Variants in TOMM40L observed in about 807,000 individuals in gnomAD.
TOMM40L encodes translocase of outer mitochondrial membrane 40 like, also known as mitochondrial import receptor subunit TOM40B.
A neutral mutation model predicts 38.3 loss-of-function variants in TOMM40L; 17 were observed. The observed-to-expected ratio is 0.44, with a 90% CI of 0.30 to 0.67. The LOEUF (loss-of-function observed/expected upper bound fraction) is 0.67, where lower values mean the gene tolerates loss of function less well. Ranked by LOEUF, TOMM40L falls within the 30% of genes least tolerant of loss-of-function variation. TOMM40L has a pLI of 0.08. For synonymous variants in TOMM40L, 151 were observed against 150.2 expected (o/e 1.01, Z -0.04); for missense variants, 294 against 390.0 (o/e 0.75, Z 2.07).
intron 5 of TOMM40L, 29 bp downstream of exon 5, chr1:161,227,766 G>C (rs1308951274): frequency 6.2e-7 from 1 of 1,610,452 alleles, no homozygotes; most frequent in Admixed American, 1.7e-5. Context: ...TCCATCCCCT[G>C]AGGCACTTCC....
At position 161,226,466 on chromosome 1, in the gene TOMM40L, C is replaced by T. The variant is rs1373947744; in HGVS notation, c.-24C>T. 5 of 1,602,660 alleles carry T rather than the reference C, an allele frequency of 3.1e-6. No individual in the cohort carries two copies. Among genetic ancestry groups the T allele is most frequent in the African/African-American group, 1.3e-5 (1 of 74,476 alleles). On this transcript the variant is annotated 5_prime_UTR_variant, in exon 2 of 10. Coordinates refer to ENST00000367988, the MANE Select transcript of TOMM40L (RefSeq NM_032174.6). ...GCGTCCTTTCACAGGCTAACCTCGG[C>T]TCTTCCCAGTCCTCTGGACTAAAAT... is the stretch of plus-strand genomic sequence containing the variant.
At position 161,229,086 on chromosome 1, in the gene TOMM40L, T is replaced by A. The variant is rs776584475; in HGVS notation, c.918T>A (p.Thr306=). The part of the protein sequence containing the change: ...RNRFHCGFSI[T]VG ...GATTCCATTGTGGCTTCAGCATCAC[T>A]GTGGGCTGAGGTTGTCCAGAGCCAG... The change falls in exon 10 of 10, where the codon ACT becomes ACA. Residue 306 remains threonine, a synonymous_variant. Transcript: ENST00000367988. 1 of 1,614,174 alleles carries A rather than the reference T, an allele frequency of 6.2e-7. No homozygotes were observed. Among genetic ancestry groups the A allele is most frequent in the Non-Finnish European group, 8.5e-7 (1 of 1,180,018 alleles).
In TOMM40L at chr1:161,227,261, G is replaced by T; in HGVS notation, c.187G>T (p.Ala63Ser). The T allele has an allele frequency of 6.2e-7, 1 of 1,614,142 alleles. No individual in the cohort carries two copies. The change falls in exon 4 of 10, where the codon GCG (alanine) becomes TCG (serine). Residue 63 changes from alanine (A) to serine (S), a missense_variant. Physicochemically the swap from Ala to Ser is moderately conservative, Grantham distance 99 (BLOSUM62 1). Transcript: ENST00000367988. ...CACTGAATCCTCTTTTCCTCAGGTG[G>T]CGCACACTATACACATGAGTGCCCT... ...NKVLSSHFQV[A>S]HTIHMSALGL...
chr1:161,226,175 C>A, intron 1 of TOMM40L, 39 bp downstream of exon 1: 1 of 281,158 alleles, frequency 3.6e-6, no homozygotes, highest in South Asian at 4.8e-5. Context: ...GGTCTTGGGG[C>A]CTGGGAATGA....
chr1:161,228,858 G>A (rs1443253745), intron 9 of TOMM40L, 41 bp downstream of exon 9: 1 of 1,613,820 alleles, frequency 6.2e-7, no homozygotes, highest in Non-Finnish European at 8.5e-7. Flanking sequence ...CTGAGGAATG[G>A]GGGATGCAGA....
Position 161,227,726 on chromosome 1 carries a change from G to T in TOMM40L, c.367G>T (p.Ala123Ser). Reference protein sequence around the residue: ...LLLAERLRAKAVFQTQQAKFL... With the variant: ...LLLAERLRAKSVFQTQQAKFL... ...CTTGGCAGAGCGGCTCCGAGCTAAG[G>T]CTGTCTTCCAGGTGACCACAGTTCC... is the stretch of plus-strand genomic sequence containing the variant. Residue 123 changes from alanine to serine, a missense_variant, in exon 5 of 10, where the codon GCT (alanine) becomes TCT (serine). By Grantham distance (99) the Ala-to-Ser change is moderately conservative. Coordinates refer to ENST00000367988, the MANE Select transcript of TOMM40L (RefSeq NM_032174.6). The T allele has an allele frequency of 1.2e-6, 2 of 1,613,250 alleles. No homozygotes were observed. Among genetic ancestry groups the T allele is most frequent in the Non-Finnish European group, 1.7e-6 (2 of 1,180,018 alleles).
At chr1:161,226,310 T>G in intron 1 of TOMM40L, 45 bp from the exon 2 acceptor site, 1 of 579,568 alleles carries the variant, frequency 1.7e-6, no homozygotes, top group African/African-American at 1.9e-5. Flanking sequence ...GTGCCTAGGG[T>G]TGTCTCTCCA....
chr1:161,230,725 A>AGT lies in TOMM40L; in HGVS notation c.*1631_*1632dup. On this transcript the variant is annotated 3_prime_UTR_variant, in exon 10 of 10. Transcript: ENST00000367988. ...TACCTGAATTCCCTAAGGAAAGGAC[A>AGT]GTAAAAAAACATTCCTCCCAAGCTC... 6.4e-7 allele frequency: 1 copy of AGT among 1,568,340 alleles called. No individual in the cohort carries two copies. The highest frequency in any genetic ancestry group is 8.7e-7 in the Non-Finnish European group (1 of 1,147,244).
In TOMM40L at chr1:161,230,529, A is replaced by G. The variant is rs898788284; in HGVS notation, c.*1434A>G. The G allele has an allele frequency of 8.6e-5, 47 of 548,716 alleles. No individual in the cohort carries two copies. In the Admixed American group the frequency reaches 1.4e-3, roughly 16 times the overall value. The allele number at this position is 548,716 out of a possible 1,614,324, so 34.0% of individuals were successfully genotyped here. ...GACTAGTGAGGTAATGGATGTCATC[A>G]ATCTCAGGAATGCTATTACCCAGAG... On this transcript the variant is annotated 3_prime_UTR_variant, in exon 10 of 10. Transcript: ENST00000367988.
intron 2 of TOMM40L, 39 bp from the exon 3 acceptor site, chr1:161,226,849 T>C (rs762981191): frequency 3.7e-6 from 6 of 1,608,316 alleles, no homozygotes; most frequent in Non-Finnish European, 5.1e-6. Context: ...AGGGGTTCTT[T>C]GTCTGTGCTT....
In TOMM40L at chr1:161,228,487, C is replaced by T; in HGVS notation, c.667C>T (p.His223Tyr). The T allele has an allele frequency of 6.2e-7, 1 of 1,614,120 alleles. No individual in the cohort carries two copies. Among genetic ancestry groups the T allele is most frequent in the Non-Finnish European group, 8.5e-7 (1 of 1,180,006 alleles). Residue 223 changes from histidine (H) to tyrosine (Y), a missense_variant, in exon 8 of 10, where the codon CAC becomes TAC. Transcript: ENST00000367988. ...GSGGAHASYYHRANEQVQVGV... is the reference protein window; with the variant it reads ...GSGGAHASYYYRANEQVQVGV... ...AGGCGGGGCCCATGCAAGTTACTAC[C>T]ACAGGGCAAATGAACAGGTGAGACC...
In TOMM40L at chr1:161,228,016, T is replaced by C. The variant is rs199509147; in HGVS notation, c.484+27T>C. 19 of 1,611,852 alleles carry C rather than the reference T, an allele frequency of 1.2e-5. No homozygotes were observed. In the Admixed American group the frequency reaches 1.5e-4, roughly 13 times the overall value. Reference sequence around the variant, plus strand: ...TGAGGAACTGGGACAGGGTTCTTTTTATCTTGGCGGCCCATTTGCTAATGT... The same window carrying C: ...TGAGGAACTGGGACAGGGTTCTTTTCATCTTGGCGGCCCATTTGCTAATGT... On this transcript the variant is annotated intron_variant, in intron 6 of 9. Transcript: ENST00000367988.
rs1277674011 is a variant in TOMM40L, at chr1:161,229,378, T to A, written c.*283T>A. 4.9e-6 allele frequency: 3 copies of A among 609,770 alleles called. No homozygotes were observed. Among genetic ancestry groups the A allele is most frequent in the Middle Eastern group, 4.4e-4 (1 of 2,260 alleles). 37.8% of individuals were successfully genotyped at this position (609,770 alleles called of 1,614,324 possible). On this transcript the variant is annotated 3_prime_UTR_variant, in exon 10 of 10. Transcript: ENST00000367988. ...AGAAGGATTAAGGGGTATGGCTGAA[T>A]TCCCCCGGCACCCCTTGCCCTCAGG...
At chr1:161,227,057 A>G (rs1666391942) in intron 3 of TOMM40L, 102 bp downstream of exon 3, 4 of 1,439,702 alleles carry the variant, frequency 2.8e-6, no homozygotes, top group Non-Finnish European at 3.9e-6. Context: ...TCTATGTGGG[A>G]CAAATGAGGG....
At position 161,230,112 on chromosome 1, in the gene TOMM40L, G is replaced by T; in HGVS notation, c.*1017G>T. The T allele has an allele frequency of 1.6e-6, 1 of 634,934 alleles. No homozygotes were observed. The highest frequency in any genetic ancestry group is 2.7e-6 in the Non-Finnish European group (1 of 375,204). 39.3% of individuals were successfully genotyped at this position (634,934 alleles called of 1,614,324 possible). ...AAGGTCCTCCAGGGGGCCTCGGTCT[G>T]ACACTGTCTTCTCTCACCATGCTCA... On this transcript the variant is annotated 3_prime_UTR_variant, in exon 10 of 10. Coordinates refer to ENST00000367988, the MANE Select transcript of TOMM40L (RefSeq NM_032174.6).
intron 3 of TOMM40L, 92 bp from the exon 4 acceptor site, chr1:161,227,166 G>A: frequency 1.5e-6 from 2 of 1,329,438 alleles, no homozygotes; most frequent in Non-Finnish European, 2.2e-6. Flanking sequence ...ATTCTTGAGA[G>A]GCCCTCTGGA....
At position 161,230,734 on chromosome 1, in the gene TOMM40L, A is replaced by T. The variant is rs780874375; in HGVS notation, c.*1639A>T. The T allele has an allele frequency of 4.4e-6, 7 of 1,595,160 alleles. No homozygotes were observed. The highest frequency in any genetic ancestry group is 5.1e-6 in the Non-Finnish European group (6 of 1,168,792). ...TCCCTAAGGAAAGGACAGTAAAAAAACATTCCTCCCAAGCTCAATGTTTCA... is the reference window on the plus strand; with the variant it reads ...TCCCTAAGGAAAGGACAGTAAAAAATCATTCCTCCCAAGCTCAATGTTTCA... On this transcript the variant is annotated 3_prime_UTR_variant, in exon 10 of 10. Coordinates refer to ENST00000367988, the MANE Select transcript of TOMM40L (RefSeq NM_032174.6).
At position 161,227,330 on chromosome 1, in the gene TOMM40L, T is replaced by TGGC. The variant is rs770136436; in HGVS notation, c.257_259dup (p.Trp86_Gln87insArg). ...CCTCCATGCGGCCTATGCAGGGGAT[T>TGGC]GGCAGCTCAGTCCCACTGAGGTGAG... is the stretch of plus-strand genomic sequence containing the variant. On this transcript the variant is annotated inframe_insertion, in exon 4 of 10. Transcript: ENST00000367988. The TGGC allele has an allele frequency of 6.2e-7, 1 of 1,614,094 alleles. No individual in the cohort carries two copies. The highest frequency in any genetic ancestry group is 8.5e-7 in the Non-Finnish European group (1 of 1,180,020).
rs774198725 is a variant in TOMM40L, at chr1:161,226,623, G to A, written c.115+19G>A. On this transcript the variant is annotated intron_variant, in intron 2 of 9. Coordinates refer to ENST00000367988, the MANE Select transcript of TOMM40L (RefSeq NM_032174.6). ...TGCAAAGGTGAGAACTTGGCACTTGGGTGTCTCAGGATGAAGGGGCAGAGG... is the reference window on the plus strand; with the variant it reads ...TGCAAAGGTGAGAACTTGGCACTTGAGTGTCTCAGGATGAAGGGGCAGAGG... 1 of 1,609,046 alleles carries A rather than the reference G, an allele frequency of 6.2e-7. No homozygotes were observed. The highest frequency in any genetic ancestry group is 1.1e-5 in the South Asian group (1 of 90,844).
Sources: gnomAD v4.1 joint callset for allele counts on GRCh38, gnomAD v4.1.1 for gene constraint, MANE v1.5 for transcripts, NCBI Gene and HGNC (gene_info 2026-07-23, HGNC 2026-07-21) for gene names.